The following RUBCN variants were observed in gnomAD, a reference collection of about 807,000 sequenced individuals.
RUBCN encodes the protein run domain Beclin-1-interacting and cysteine-rich domain-containing protein.
Under a neutral mutation model 113.2 loss-of-function variants are expected in RUBCN, and 74 were observed. The observed-to-expected ratio is 0.65, with a 90% CI of 0.54 to 0.79. The LOEUF (loss-of-function observed/expected upper bound fraction) is 0.79. RUBCN is among the 30% of genes least tolerant of loss of function. The pLI, the probability that RUBCN is intolerant of heterozygous loss-of-function variation, is 0.00. For synonymous variants in RUBCN, 480 were observed against 490.0 expected (o/e 0.98, Z 0.27); for missense variants, 1,109 against 1,251.7 (o/e 0.89, Z 1.72).
intron 1 of RUBCN, among the ~76,000 whole-genome samples, chr3:197,733,008 A>G (rs181174255): frequency 1.7e-3 from 261 of 152,340 alleles, no homozygotes; most frequent in Middle Eastern, 0.01. Flanking sequence ...CAGGCAGGAA[A>G]GCATTATTCT....
chr3:197,705,238 G>A (rs2108918768), intron 2 of RUBCN, 63 bp from the exon 3 acceptor site: 2 of 1,464,284 alleles, frequency 1.4e-6, no homozygotes, highest in East Asian at 4.5e-5. Flanking sequence ...TAGTTCTAGG[G>A]TTGGCATTCA....
At chr3:197,726,205 T>C (rs765221930) in intron 1 of RUBCN, among the ~76,000 whole-genome samples, 1 of 152,218 alleles carries the variant, frequency 6.6e-6, no homozygotes, top group African/African-American at 2.4e-5. Context: ...AGGGACTATG[T>C]ATCTTCTATT....
At chr3:197,718,597 T>A (rs1725802708) in intron 1 of RUBCN, among the ~76,000 whole-genome samples, 1 of 151,922 alleles carries the variant, frequency 6.6e-6, no homozygotes, top group African/African-American at 2.4e-5. Flanking sequence ...ACTACAGATG[T>A]GCACCAACAC....
upstream of RUBCN, among the ~76,000 whole-genome samples, chr3:197,739,539 A>G (rs901044570): frequency 6.9e-6 from 1 of 145,232 alleles, no homozygotes; most frequent in Non-Finnish European, 1.5e-5. Context: ...TAAAAATACA[A>G]CAAAAAATTA....
chr3:197,680,193 C>T (rs1483674364), intron 16 of RUBCN, among the ~76,000 whole-genome samples: 8 of 125,400 alleles, frequency 6.4e-5, no homozygotes, highest in South Asian at 3.3e-4. Flanking sequence ...GACTGTCCTA[C>T]GCTCTAACTG....
chr3:197,688,482 A>G (rs1722085876), intron 11 of RUBCN, among the ~76,000 whole-genome samples: 1 of 152,210 alleles, frequency 6.6e-6, no homozygotes, highest in Non-Finnish European at 1.5e-5. Flanking sequence ...ATTATAGTAG[A>G]AATAATTCTT....
chr3:197,747,955 G>A, intron 1 of RUBCN, among the ~76,000 whole-genome samples: 1 of 149,148 alleles, frequency 6.7e-6, no homozygotes, highest in Non-Finnish European at 1.5e-5. Flanking sequence ...TATTTGAGAT[G>A]GAGTCTTGCT....
At chr3:197,701,595 A>C in intron 6 of RUBCN, 113 bp downstream of exon 6, 2 of 935,758 alleles carry the variant, frequency 2.1e-6, no homozygotes, top group Non-Finnish European at 3.4e-6. Flanking sequence ...TCCCTTATTA[A>C]GAAAAACTAC....
At chr3:197,676,317 A>G (rs949206386) in intron 18 of RUBCN, 1 of 1,001,552 alleles carries the variant, frequency 1.0e-6, no homozygotes, top group Admixed American at 5.2e-5. Context: ...CTCCTCTCAC[A>G]TCATGACAAC....
In RUBCN at chr3:197,697,058, G is replaced by A. The variant is rs370735308; in HGVS notation, c.1262-9C>T. 10 of 1,432,900 alleles carry A rather than the reference G, an allele frequency of 7.0e-6. No homozygotes were observed. The highest frequency in any genetic ancestry group is 1.7e-5 in the Admixed American group (1 of 59,742). 88.8% of individuals were successfully genotyped at this position (1,432,900 alleles called of 1,614,324 possible). ...CTTATCATTGCAGGATTCTAATGAC[G>A]ATGACCACCAGCGAGTAAAAACACA... On this transcript the variant is annotated splice_polypyrimidine_tract_variant and intron_variant, in intron 7 of 19. Coordinates refer to ENST00000296343, the MANE Select transcript of RUBCN (RefSeq NM_014687.4).
At chr3:197,730,588 A>ATTT (rs1560470847) in intron 1 of RUBCN, among the ~76,000 whole-genome samples, 2 of 126,856 alleles carry the variant, frequency 1.6e-5, no homozygotes, top group African/African-American at 3.2e-5. Context: ...TTTTTTTTTG[A>ATTT]GAGAGAAAGT....
At position 197,696,895 on chromosome 3, in the gene RUBCN, G is replaced by A. The variant is rs1034986495; in HGVS notation, c.1357+59C>T. ...GAACCCCAAAACTCAGAACTTAGCA[G>A]GCACAAGGGGTGAGCAGAGAAAATA... On this transcript the variant is annotated intron_variant, in intron 8 of 19. Transcript: ENST00000296343. 9.8e-6 allele frequency: 9 copies of A among 918,938 alleles called. 1 individual carries two copies. In the African/African-American group the frequency reaches 1.5e-4, roughly 15 times the overall value. The allele number at this position is 918,938 out of a possible 1,614,324, so 56.9% of individuals were successfully genotyped here. A position where few individuals can be genotyped will look rare whatever the true frequency, so the allele number is the denominator to read the frequency against.
rs1215421604 is a variant in RUBCN at position 197,700,707 on chromosome 3, G to A, written c.1167C>T (p.Phe389=). 1.2e-6 allele frequency: 2 copies of A among 1,614,098 alleles called. No homozygotes were observed. Among genetic ancestry groups the A allele is most frequent in the Non-Finnish European group, 1.7e-6 (2 of 1,180,046 alleles). ...TGACAGTGAGTGTCTGCCCCTCTGAGAAGCTGGACCTGCGGAGGACACTGG... is the reference window on the plus strand; with the variant it reads ...TGACAGTGAGTGTCTGCCCCTCTGAAAAGCTGGACCTGCGGAGGACACTGG... ...QLSSVLRRSS[F]SEGQTLTVTS... is the part of the protein sequence containing the mutation. The change falls in exon 7 of 20, where the codon TTC becomes TTT. Residue 389 remains phenylalanine (F), a synonymous_variant. Coordinates refer to ENST00000296343, the MANE Select transcript of RUBCN (RefSeq NM_014687.4).
chr3:197,723,314 GAATT>G (rs1219525538), intron 1 of RUBCN, among the ~76,000 whole-genome samples: 37 of 151,978 alleles, frequency 2.4e-4, no homozygotes, highest in Non-Finnish European at 4.7e-4. Flanking sequence ...TGAGTAGTTG[GAATT>G]AGAGTTACAG....
rs1719806859 is a variant in RUBCN, at chr3:197,671,701, GC to G, written c.*3316del. On this transcript the variant is annotated 3_prime_UTR_variant, in exon 20 of 20. Transcript: ENST00000296343. ...CCAGGAGCAGAAGAGAAAGATGCTA[GC>G]TGCTCACAGAAGTGGGAACTGAAGC... is the stretch of plus-strand genomic sequence containing the variant. The G allele has an allele frequency of 6.6e-6, 1 of 152,256 alleles. No homozygotes were observed. The highest frequency in any genetic ancestry group is 1.5e-5 in the Non-Finnish European group (1 of 68,044). The allele number at this position is 152,256 out of a possible 1,614,324, so 9.4% of individuals were successfully genotyped here. A position where few individuals can be genotyped will look rare whatever the true frequency, so the allele number is the denominator to read the frequency against.
chr3:197,720,044 C>T (rs1288064236), intron 1 of RUBCN, among the ~76,000 whole-genome samples: 1 of 152,128 alleles, frequency 6.6e-6, no homozygotes, highest in Non-Finnish European at 1.5e-5. Context: ...CTGTCTGTCC[C>T]CTTGGCCCTG....
In RUBCN at chr3:197,671,282, G is replaced by A. The variant is rs1022818203; in HGVS notation, c.*3736C>T. On this transcript the variant is annotated 3_prime_UTR_variant, in exon 20 of 20. Transcript: ENST00000296343. The stretch of plus-strand genomic sequence containing the variant: ...CCCTGCCTTGGTCTCTCAAAGTACT[G>A]GATGACACTCGTGAGCCACCGCGCC... 1 of 152,146 alleles carries A rather than the reference G, an allele frequency of 6.6e-6. No individual in the cohort carries two copies. The highest frequency in any genetic ancestry group is 2.4e-5 in the African/African-American group (1 of 41,420). 9.4% of individuals were successfully genotyped at this position (152,146 alleles called of 1,614,324 possible).
Position 197,678,956 on chromosome 3 carries a change from G to C in RUBCN, c.2431-1415C>G, listed in dbSNP as rs62283398. ...CTCTGACAACTGGCTCCAGACTGTC[G>C]TATGCTCTAACTGACAACTGGCTTC... On this transcript the variant is annotated intron_variant, in intron 16 of 19. Coordinates refer to ENST00000296343, the MANE Select transcript of RUBCN (RefSeq NM_014687.4). Among the ~76,000 whole-genome samples, 597 of 116,648 alleles carry C rather than the reference G, an allele frequency of 5.1e-3. 5 individuals carry two copies. Among genetic ancestry groups the C allele is most frequent in the African/African-American group, 0.01 (297 of 29,232 alleles). 76.5% of individuals were successfully genotyped at this position (116,648 alleles called of 152,430 possible). A position where few individuals can be genotyped will look rare whatever the true frequency, so the allele number is the denominator to read the frequency against.
chr3:197,713,004 C>T (rs1560450528), intron 2 of RUBCN, among the ~76,000 whole-genome samples: 1 of 152,096 alleles, frequency 6.6e-6, no homozygotes, highest in African/African-American at 2.4e-5. Context: ...GGATTACAGG[C>T]ATGCACCACC....
Sources: gnomAD v4.1 joint callset for allele counts (sites outside exome capture counted in the v4.1 genomes callset) on GRCh38, gnomAD v4.1.1 for gene constraint, MANE v1.5 for transcripts, NCBI Gene and HGNC (gene_info 2026-07-23, HGNC 2026-07-21) for gene names.